Variants in CERS6 observed in about 807,000 individuals in gnomAD.
CERS6 encodes the protein ceramide synthase 6, also known as LAG1 homolog, ceramide synthase 6.
A neutral mutation model predicts 56.8 loss-of-function variants in CERS6; 26 were observed. The ratio of observed to expected loss-of-function variants is 0.46; its 90% CI spans 0.34 to 0.63. The LOEUF (loss-of-function observed/expected upper bound fraction) is 0.63, where lower values mean the gene tolerates loss of function less well. CERS6 is among the 30% of genes least tolerant of loss of function. The pLI is 0.01. For missense variants in CERS6, 415 were observed against 467.5 expected (o/e 0.89, Z 1.04); for synonymous variants, 164 against 173.3 (o/e 0.95, Z 0.42).
At chr2:168,645,187 A>AGAGAGAGAGAGAGAGT (rs1685166360) in intron 4 of CERS6, among the ~76,000 whole-genome samples, 1 of 95,180 alleles carries the variant, frequency 1.1e-5, no homozygotes. Context: ...AGAGAGAGAG[A>AGAGAGAGAGAGAGAGT]GAGTAACTTC....
intron 1 of CERS6, among the ~76,000 whole-genome samples, chr2:168,498,288 C>T (rs983749333): frequency 5.9e-5 from 9 of 152,134 alleles, no homozygotes; most frequent in African/African-American, 2.2e-4. Context: ...GATTTTTATT[C>T]TCTTTCTCCT....
At chr2:168,685,155 G>T (rs1419112864) in intron 4 of CERS6, among the ~76,000 whole-genome samples, 1 of 152,194 alleles carries the variant, frequency 6.6e-6, no homozygotes, top group East Asian at 1.9e-4. Flanking sequence ...AGTTTTCACG[G>T]AAATAGCAAA....
At chr2:168,718,073 G>A in intron 8 of CERS6, 95 bp downstream of exon 8, 1 of 834,220 alleles carries the variant, frequency 1.2e-6, no homozygotes. Context: ...GTATTTACAG[G>A]TTTAAATATA....
intron 4 of CERS6, among the ~76,000 whole-genome samples, chr2:168,677,181 C>T (rs1283242850): frequency 6.6e-6 from 1 of 151,970 alleles, no homozygotes; most frequent in Non-Finnish European, 1.5e-5. Context: ...TCCCCCACCC[C>T]CCAACAGGCC....
chr2:168,573,005 A>G (rs1177171926), intron 3 of CERS6, among the ~76,000 whole-genome samples: 1 of 152,108 alleles, frequency 6.6e-6, no homozygotes, highest in Non-Finnish European at 1.5e-5. Context: ...GGTCCTAGGG[A>G]AGACTGAGAA....
In CERS6 at chr2:168,456,658, A is replaced by T. The variant is rs559278352; in HGVS notation, c.170+40A>T. 4 of 1,570,104 alleles carry T rather than the reference A, an allele frequency of 2.5e-6. No homozygotes were observed. Among genetic ancestry groups the T allele is most frequent in the Admixed American group, 3.5e-5 (2 of 57,594 alleles). On this transcript the variant is annotated intron_variant, in intron 1 of 9. Coordinates refer to ENST00000305747, the MANE Select transcript of CERS6 (RefSeq NM_203463.3). The surrounding 1 kb of genome is among the most constrained non-coding windows in gnomAD (Gnocchi z 4.1). ...AGCCCCTCCTCCCCTCCCCCTGCGC[A>T]CACACACGCGCGCACACACTCGCGC...
At chr2:168,609,622 G>C (rs1460851245) in intron 3 of CERS6, among the ~76,000 whole-genome samples, 2 of 152,140 alleles carry the variant, frequency 1.3e-5, no homozygotes, top group Non-Finnish European at 2.9e-5. Context: ...ACAGTCCCCT[G>C]TTGAGAGCCA....
rs144244236 is a variant in CERS6, at chr2:168,618,974, C to T, written c.408-12011C>T. Among the ~76,000 whole-genome samples the T allele has an allele frequency of 1.1e-4, 17 of 152,096 alleles. No homozygotes were observed. In the East Asian group the frequency reaches 3.3e-3, roughly 29 times the overall value. On this transcript the variant is annotated intron_variant, in intron 3 of 9. Transcript: ENST00000305747. The stretch of plus-strand genomic sequence containing the variant: ...GGAGGCTTCAAACTATACTATAAGG[C>T]CATAGTCACCAAAACAGCATGGTAC...
At chr2:168,565,489 T>A (rs968548807) in intron 3 of CERS6, among the ~76,000 whole-genome samples, 1 of 152,180 alleles carries the variant, frequency 6.6e-6, no homozygotes, top group South Asian at 2.1e-4. Flanking sequence ...GCTCGTTGCC[T>A]GAGGGTCAAA....
At chr2:168,664,014 A>G (rs1444222705) in intron 4 of CERS6, among the ~76,000 whole-genome samples, 1 of 152,166 alleles carries the variant, frequency 6.6e-6, no homozygotes. Flanking sequence ...TTTCCATTGG[A>G]GTTCTGGGTG....
chr2:168,746,756 T>C (rs917402998), intron 8 of CERS6, among the ~76,000 whole-genome samples: 15 of 117,536 alleles, frequency 1.3e-4, no homozygotes, highest in Admixed American at 4.2e-4. Flanking sequence ...ATTTCCAAAC[T>C]GATTTAAAAG....
chr2:168,644,366 A>C, intron 4 of CERS6: 2 of 985,092 alleles, frequency 2.0e-6, no homozygotes, highest in Non-Finnish European at 2.4e-6. Flanking sequence ...GATGGGGAAG[A>C]GAGGAGGCAG....
intron 1 of CERS6, among the ~76,000 whole-genome samples, chr2:168,529,428 C>G (rs773367696): frequency 2.6e-5 from 4 of 152,142 alleles, no homozygotes; most frequent in Non-Finnish European, 5.9e-5. Context: ...GGGCCTCATC[C>G]TCATTAAACT....
chr2:168,647,665 T>C (rs999488554), intron 4 of CERS6, among the ~76,000 whole-genome samples: 24 of 152,302 alleles, frequency 1.6e-4, no homozygotes, highest in African/African-American at 5.5e-4. Context: ...AGATGGCTCT[T>C]ATTATTTTTA....
intron 1 of CERS6, among the ~76,000 whole-genome samples, chr2:168,542,962 G>A (rs886464065): frequency 2.0e-5 from 3 of 152,338 alleles, no homozygotes; most frequent in Admixed American, 2.0e-4. Context: ...CTCCCAACAC[G>A]CTGGGATTAC....
rs1012800234 is a variant in CERS6, at chr2:168,771,797, G to A, written c.*2135G>A. The A allele has an allele frequency of 1.3e-5, 2 of 152,168 alleles. No individual in the cohort carries two copies. Among genetic ancestry groups the A allele is most frequent in the African/African-American group, 4.8e-5 (2 of 41,440 alleles). 9.4% of individuals were successfully genotyped at this position (152,168 alleles called of 1,614,324 possible). On this transcript the variant is annotated 3_prime_UTR_variant, in exon 10 of 10. Coordinates refer to ENST00000305747, the MANE Select transcript of CERS6 (RefSeq NM_203463.3). The stretch of plus-strand genomic sequence containing the variant: ...CAAGGAGGTCATCTTGTAAATTAAA[G>A]GTTTAGAAGAATTGCATAAAACGTA...
chr2:168,657,754 C>T (rs1420877442), intron 4 of CERS6, among the ~76,000 whole-genome samples: 2 of 152,240 alleles, frequency 1.3e-5, no homozygotes, highest in South Asian at 2.1e-4. Flanking sequence ...ACCAAGCCCA[C>T]GCCCACCCGG....
chr2:168,550,857 G>A, intron 2 of CERS6, among the ~76,000 whole-genome samples: 1 of 152,188 alleles, frequency 6.6e-6, no homozygotes, highest in Non-Finnish European at 1.5e-5. Flanking sequence ...CCCACTCTCT[G>A]TGTTTGCACT....
Position 168,522,261 on chromosome 2 carries a change from G to A in CERS6, c.171-25335G>A, listed in dbSNP as rs1282266384. Among the ~76,000 whole-genome samples the A allele has an allele frequency of 2.6e-5, 4 of 152,164 alleles. No homozygotes were observed. The East Asian group carries it at 7.7e-4, about 29-fold the overall frequency. ...GGTGGTAGAGAACTGGGTGGATGCAGGTAGAGAACTGAAGAACTGCAGGTT... is the reference window on the plus strand; with the variant it reads ...GGTGGTAGAGAACTGGGTGGATGCAAGTAGAGAACTGAAGAACTGCAGGTT... On this transcript the variant is annotated intron_variant, in intron 1 of 9. Transcript: ENST00000305747.
Sources: gnomAD v4.1 joint callset for allele counts (sites outside exome capture counted in the v4.1 genomes callset) on GRCh38, gnomAD v4.1.1 for gene constraint, Gnocchi (gnomAD v3.1) non-coding constraint, MANE v1.5 for transcripts, NCBI Gene and HGNC (gene_info 2026-07-23, HGNC 2026-07-21) for gene names.